Variants in ERBB4 observed in about 807,000 individuals in gnomAD.
ERBB4 encodes the protein receptor tyrosine-protein kinase erbB-4.
Under a neutral mutation model 158.0 loss-of-function variants are expected in ERBB4, and 42 were observed. That is an observed-to-expected ratio of 0.27 (90% CI 0.21 to 0.34). The LOEUF is 0.34. Ranked by LOEUF, ERBB4 falls within the 10% of genes least tolerant of loss-of-function variation. ERBB4 has a pLI of 1.00. For synonymous variants in ERBB4, 583 were observed against 558.7 expected, an observed-to-expected ratio of 1.04 and a Z score of -0.61; for missense variants, 1,333 against 1,624.1, an observed-to-expected ratio of 0.82 and a Z score of 3.08.
Position 211,704,240 on chromosome 2 carries a change from A to C in ERBB4, c.1199-46T>G, listed in dbSNP as rs375874849. ...AAATAAATCAGAATATCATTGTCTT[A>C]GTATTAGTGCTGATTTTTCTTGAAA... On this transcript the variant is annotated intron_variant, in intron 10 of 27. Transcript: ENST00000342788. 154 of 1,179,838 alleles carry C rather than the reference A, an allele frequency of 1.3e-4. 1 individual carries two copies. In the African/African-American group the frequency reaches 2.0e-3, roughly 15 times the overall value. The allele number at this position is 1,179,838 out of a possible 1,614,324, so 73.1% of individuals were successfully genotyped here.
intron 1 of ERBB4, among the ~76,000 whole-genome samples, chr2:212,393,120 C>G (rs2090926905): frequency 6.6e-6 from 1 of 152,070 alleles, no homozygotes; most frequent in African/African-American, 2.4e-5. Flanking sequence ...CTCTCCAAAC[C>G]TGAACCTACT....
intron 24 of ERBB4, 46 bp from the exon 25 acceptor site, chr2:211,420,657 T>C (rs1193470889): frequency 6.7e-7 from 1 of 1,485,686 alleles, no homozygotes. Context: ...TTCTTTCTTA[T>C]CTTAAATATG....
chr2:211,433,137 A>G (rs2063778027), intron 20 of ERBB4, among the ~76,000 whole-genome samples: 1 of 152,208 alleles, frequency 6.6e-6, no homozygotes, highest in African/African-American at 2.4e-5. Context: ...GTATTTTTAA[A>G]GCATAATGTA....
chr2:211,379,910 C>T lies in ERBB4; in HGVS notation c.*3705G>A, dbSNP rs2062546256. On this transcript the variant is annotated 3_prime_UTR_variant, in exon 28 of 28. Coordinates refer to ENST00000342788, the MANE Select transcript of ERBB4 (RefSeq NM_005235.3). ...TCAAGAAGCACATTAATAGTCCTTC[C>T]AACTTCATCTAGTAGCAGAGCCTCA... 4 of 231,794 alleles carry T rather than the reference C, an allele frequency of 1.7e-5. No homozygotes were observed. Among genetic ancestry groups the T allele is most frequent in the Non-Finnish European group, 3.4e-5 (4 of 117,360 alleles). The allele number at this position is 231,794 out of a possible 1,614,324, so 14.4% of individuals were successfully genotyped here. A position where few individuals can be genotyped will look rare whatever the true frequency, so the allele number is the denominator to read the frequency against.
At chr2:212,382,528 A>G (rs2090542697) in intron 1 of ERBB4, among the ~76,000 whole-genome samples, 1 of 150,896 alleles carries the variant, frequency 6.6e-6, no homozygotes, top group Non-Finnish European at 1.5e-5. Context: ...ATCTAGTATT[A>G]GGAACTGTTC....
At chr2:211,571,858 A>G (rs1161718643) in intron 19 of ERBB4, among the ~76,000 whole-genome samples, 8 of 152,206 alleles carry the variant, frequency 5.3e-5, no homozygotes, top group Non-Finnish European at 1.2e-4. Flanking sequence ...CATCTCTTAA[A>G]ATAGATACTA....
intron 5 of ERBB4, among the ~76,000 whole-genome samples, chr2:211,726,154 A>AT (rs1252473046): frequency 2.0e-5 from 3 of 152,172 alleles, no homozygotes; most frequent in African/African-American, 7.2e-5. Flanking sequence ...GTTTCTTCCT[A>AT]TATTTTCAAA....
chr2:212,041,306 G>A (rs368235223), intron 2 of ERBB4, among the ~76,000 whole-genome samples: 6 of 151,960 alleles, frequency 3.9e-5, no homozygotes, highest in African/African-American at 1.2e-4. Context: ...CTATCCAGAG[G>A]TCTTTACTGT....
In ERBB4 at chr2:211,811,019, G is replaced by A. The variant is rs1421630823; in HGVS notation, c.422-22860C>T. The stretch of plus-strand genomic sequence containing the variant: ...GGGTGTTCAGCCCATTTACATTTAA[G>A]GTTAATATTGTTACCTGTGAATTTG... On this transcript the variant is annotated intron_variant, in intron 3 of 27. Coordinates refer to ENST00000342788, the MANE Select transcript of ERBB4 (RefSeq NM_005235.3). Among the ~76,000 whole-genome samples the A allele has an allele frequency of 2.6e-5, 4 of 152,212 alleles. No homozygotes were observed. In the South Asian group the frequency reaches 8.3e-4, roughly 32 times the overall value.
intron 1 of ERBB4, among the ~76,000 whole-genome samples, chr2:212,250,491 T>C (rs544798590): frequency 9.5e-4 from 144 of 152,096 alleles, no homozygotes; most frequent in African/African-American, 3.3e-3. Context: ...ATTTATACTC[T>C]GTTCTAGATA....
chr2:212,471,080 G>A (rs969776939), intron 1 of ERBB4, among the ~76,000 whole-genome samples: 4 of 151,984 alleles, frequency 2.6e-5, no homozygotes, highest in Non-Finnish European at 5.9e-5. Flanking sequence ...AAACATGAGA[G>A]AGAATGAGGG....
intron 1 of ERBB4, among the ~76,000 whole-genome samples, chr2:212,238,327 AG>A (rs2083954836): frequency 6.6e-6 from 1 of 152,088 alleles, no homozygotes; most frequent in African/African-American, 2.4e-5. Context: ...TGGCTAGGGG[AG>A]GGAGTTCCCT....
intron 20 of ERBB4, among the ~76,000 whole-genome samples, chr2:211,516,602 T>C (rs572753332): frequency 7.2e-5 from 11 of 152,248 alleles, no homozygotes; most frequent in Non-Finnish European, 1.5e-4. Context: ...CCCAGAGTTC[T>C]GGGATTACAA....
At chr2:212,068,046 T>C (rs1442013137) in intron 2 of ERBB4, among the ~76,000 whole-genome samples, 1 of 152,062 alleles carries the variant, frequency 6.6e-6, no homozygotes, top group Non-Finnish European at 1.5e-5. Flanking sequence ...TATTTGATTT[T>C]AATTGGTTCA....
chr2:211,429,055 T>G (rs1432619163), intron 21 of ERBB4, among the ~76,000 whole-genome samples: 2 of 151,964 alleles, frequency 1.3e-5, no homozygotes, highest in Non-Finnish European at 2.9e-5. Flanking sequence ...CAATTAAAGG[T>G]AAAAATAATT....
intron 1 of ERBB4, among the ~76,000 whole-genome samples, chr2:212,318,063 T>G (rs1388662717): frequency 2.0e-5 from 3 of 151,596 alleles, no homozygotes; most frequent in Non-Finnish European, 3.0e-5. Flanking sequence ...GGCTAAGTGT[T>G]TTATTCTTAT....
intron 7 of ERBB4, among the ~76,000 whole-genome samples, chr2:211,716,785 C>G (rs2073931750): frequency 6.6e-6 from 1 of 152,068 alleles, no homozygotes; most frequent in African/African-American, 2.4e-5. Flanking sequence ...GCAAACCAAG[C>G]CATGTAAGCC....
chr2:211,921,541 G>A lies in ERBB4; in HGVS notation c.421+25889C>T, dbSNP rs370712094. ...CATTCAACAAATTTGCATCATATCA[G>A]TGAATGAGAGAGAGAAGGTTTCTAT... On this transcript the variant is annotated intron_variant, in intron 3 of 27. Transcript: ENST00000342788. Among the ~76,000 whole-genome samples the A allele has an allele frequency of 1.3e-4, 20 of 152,164 alleles. 1 individual carries two copies. The South Asian group carries it at 4.1e-3, about 32-fold the overall frequency.
chr2:211,713,875 A>G (rs562926270), intron 7 of ERBB4, among the ~76,000 whole-genome samples: 5 of 152,186 alleles, frequency 3.3e-5, no homozygotes, highest in Non-Finnish European at 7.3e-5. Flanking sequence ...ACTGCTCCAC[A>G]TATTGAATTG....
Sources: allele counts gnomAD v4.1 joint callset (sites outside exome capture counted in the v4.1 genomes callset), GRCh38; gene constraint gnomAD v4.1.1; transcripts MANE v1.5; gene names NCBI Gene and HGNC (gene_info 2026-07-23, HGNC 2026-07-21).